ERCC3: variants seen among roughly 807,000 people sequenced by gnomAD.
ERCC3 encodes ERCC excision repair 3, TFIIH core complex helicase subunit.
In ERCC3, 66 loss-of-function variants were observed where a neutral mutation model predicts 94.2. The ratio of observed to expected loss-of-function variants is 0.70; its 90% CI spans 0.57 to 0.86. The LOEUF is 0.86. ERCC3 is among the 40% of genes least tolerant of loss of function. The pLI, the probability that ERCC3 is intolerant of heterozygous loss-of-function variation, is 0.00. For missense variants in ERCC3, 829 were observed against 987.1 expected (o/e 0.84, Z 2.15); for synonymous variants, 349 against 369.1 (o/e 0.95, Z 0.63).
Position 127,280,916 on chromosome 2 carries a change from C to T in ERCC3, c.1343-285G>A. 1 of 509,022 alleles carries T rather than the reference C, an allele frequency of 2.0e-6. No individual in the cohort carries two copies. Among genetic ancestry groups the T allele is most frequent in the Non-Finnish European group, 3.4e-6 (1 of 290,606 alleles). 31.5% of individuals were successfully genotyped at this position (509,022 alleles called of 1,614,324 possible). A position where few individuals can be genotyped will look rare whatever the true frequency, so the allele number is the denominator to read the frequency against. ...AACTAACCCTTGGGTTTCAGGACCA[C>T]AGAAGCTGGCTCTAGACAAGAATGA... is the stretch of plus-strand genomic sequence containing the variant. On this transcript the variant is annotated intron_variant, in intron 8 of 14. Transcript: ENST00000285398. This position sits in a 1 kb window ranked among gnomAD's most constrained non-coding sequence, Gnocchi z 6.3.
chr2:127,294,019 C>T lies in ERCC3; in HGVS notation c.28+35G>A, dbSNP rs747304168. 22 of 1,602,136 alleles carry T rather than the reference C, an allele frequency of 1.4e-5. No individual in the cohort carries two copies. In the Admixed American group the frequency reaches 1.8e-4, roughly 13 times the overall value. On this transcript the variant is annotated intron_variant, in intron 1 of 14. Transcript: ENST00000285398. ...GAGCGGGGGGCAGGGCCGGCAAGGG[C>T]AGTCGTGGCTGAGCGTGCCCGCGCA...
rs1684286237 is a variant in ERCC3, at chr2:127,264,274, G to C, written c.1946-2928C>G. 6.6e-6 allele frequency among the ~76,000 whole-genome samples: 1 copy of C among 152,162 alleles called. No homozygotes were observed. Among genetic ancestry groups the C allele is most frequent in the African/African-American group, 2.4e-5 (1 of 41,448 alleles). ...AGGTCAGGCCTTCAAGACCAGCACTGCCAACATGGCGAAACCCTGTCTCTA... is the reference window on the plus strand; with the variant it reads ...AGGTCAGGCCTTCAAGACCAGCACTCCCAACATGGCGAAACCCTGTCTCTA... On this transcript the variant is annotated intron_variant, in intron 12 of 14. Transcript: ENST00000285398. The surrounding 1 kb of genome is among the most constrained non-coding windows in gnomAD (Gnocchi z 4.4).
chr2:127,280,236 C>G lies in ERCC3; in HGVS notation c.1527+211G>C, dbSNP rs1684865643. Among the ~76,000 whole-genome samples, 1 of 152,156 alleles carries G rather than the reference C, an allele frequency of 6.6e-6. No homozygotes were observed. Among genetic ancestry groups the G allele is most frequent in the South Asian group, 2.1e-4 (1 of 4,828 alleles). On this transcript the variant is annotated intron_variant, in intron 9 of 14. Transcript: ENST00000285398. This position sits in a 1 kb window ranked among gnomAD's most constrained non-coding sequence, Gnocchi z 6.3. The stretch of plus-strand genomic sequence containing the variant: ...CTAGGAAAAAGAATCATCACAAATT[C>G]AGGGGTATGTGAGATATGTGACAAG...
rs1427990869 is a variant in ERCC3 at position 127,286,821 on chromosome 2, G to A, written c.1224C>T (p.Ser408=). Residue 408 remains serine, a synonymous_variant, in exon 8 of 15, where the codon AGC becomes AGT. Transcript: ENST00000285398. ...TGGTGTGGCCCAGCATGGAGTAGGTGCTAATGGCAACGGAGCAGCCGATGG... is the reference window on the plus strand; with the variant it reads ...TGGTGTGGCCCAGCATGGAGTAGGTACTAATGGCAACGGAGCAGCCGATGG... ...DKPIGCSVAI[S]TYSMLGHTTK... The A allele has an allele frequency of 5.6e-6, 9 of 1,614,098 alleles. No individual in the cohort carries two copies. The highest frequency in any genetic ancestry group is 2.7e-5 in the African/African-American group (2 of 74,928).
At position 127,292,736 on chromosome 2, in the gene ERCC3, C is replaced by A. The variant is rs767213626; in HGVS notation, c.345G>T (p.Glu115Asp). The A allele has an allele frequency of 6.2e-7, 1 of 1,614,058 alleles. No individual in the cohort carries two copies. Residue 115 changes from glutamate (E) to aspartate (D), a missense_variant, in exon 3 of 15, where the codon GAG (glutamate) becomes GAT (aspartate). Coordinates refer to ENST00000285398, the MANE Select transcript of ERCC3 (RefSeq NM_000122.2). ...ACAAGGAGTAGGCAGTTAGTTTGTA[C>A]TCATGCACATGGGTTGGTCGGCACA... ...EPVCRPTHVH[E>D]YKLTAYSLYA...
intron 10 of ERCC3, among the ~76,000 whole-genome samples, chr2:127,273,939 C>T (rs1031565785): frequency 2.0e-5 from 3 of 151,208 alleles, no homozygotes; most frequent in Non-Finnish European, 4.4e-5. Context: ...ATGATGATGA[C>T]AACAGCAAAG....
Position 127,258,631 on chromosome 2 carries a change from G to A in ERCC3, c.2217+665C>T, listed in dbSNP as rs146141022. On this transcript the variant is annotated intron_variant, in intron 14 of 14. Transcript: ENST00000285398. This position sits in a 1 kb window ranked among gnomAD's most constrained non-coding sequence, Gnocchi z 4.1. Reference sequence around the variant, plus strand: ...TTGGTCCAGCAGTTGCTCACCTTCCGGCTCTAATGGCAACTGAATTTCAAA... The same window carrying A: ...TTGGTCCAGCAGTTGCTCACCTTCCAGCTCTAATGGCAACTGAATTTCAAA... 2.3e-3 allele frequency among the ~76,000 whole-genome samples: 355 copies of A among 152,218 alleles called. 1 individual carries two copies. Among genetic ancestry groups the A allele is most frequent in the African/African-American group, 7.7e-3 (320 of 41,548 alleles).
chr2:127,277,965 G>C lies in ERCC3; in HGVS notation c.1730+1208C>G, dbSNP rs1040822597. Among the ~76,000 whole-genome samples, 1 of 152,058 alleles carries C rather than the reference G, an allele frequency of 6.6e-6. No individual in the cohort carries two copies. Among genetic ancestry groups the C allele is most frequent in the Non-Finnish European group, 1.5e-5 (1 of 68,000 alleles). On this transcript the variant is annotated intron_variant, in intron 10 of 14. Coordinates refer to ENST00000285398, the MANE Select transcript of ERCC3 (RefSeq NM_000122.2). This position sits in a 1 kb window ranked among gnomAD's most constrained non-coding sequence, Gnocchi z 5.1. ...TTAGAAAGATGAAGGCTGGCCAGGTGTGGTGGCTCATGACTCTAATCCCAG... is the reference window on the plus strand; with the variant it reads ...TTAGAAAGATGAAGGCTGGCCAGGTCTGGTGGCTCATGACTCTAATCCCAG...
At chr2:127,281,150 A>G (rs1245182751) in intron 8 of ERCC3, among the ~76,000 whole-genome samples, 1 of 152,222 alleles carries the variant, frequency 6.6e-6, no homozygotes, top group Non-Finnish European at 1.5e-5. Context: ...TACGCAAAGA[A>G]TTTTCCCCTA....
At chr2:127,267,692 G>C (rs963286314) in intron 12 of ERCC3, among the ~76,000 whole-genome samples, 7 of 152,126 alleles carry the variant, frequency 4.6e-5, no homozygotes, top group African/African-American at 1.7e-4. Context: ...TTGCTTTACA[G>C]GGTCTGTGGG....
At chr2:127,278,425 T>C (rs1010468601) in intron 10 of ERCC3, among the ~76,000 whole-genome samples, 2 of 152,188 alleles carry the variant, frequency 1.3e-5, no homozygotes, top group African/African-American at 4.8e-5. Flanking sequence ...AATAAAGGTA[T>C]AATTTTAGAA....
chr2:127,263,736 C>G (rs1343284948), intron 12 of ERCC3, among the ~76,000 whole-genome samples: 1 of 146,760 alleles, frequency 6.8e-6, no homozygotes, highest in Admixed American at 6.9e-5. Context: ...GGGACGGAGT[C>G]TCGCTCTGTC....
In ERCC3 at chr2:127,286,933, A is replaced by T; in HGVS notation, c.1112T>A (p.Val371Glu). The T allele has an allele frequency of 1.9e-6, 3 of 1,614,092 alleles. No individual in the cohort carries two copies. The highest frequency in any genetic ancestry group is 2.5e-6 in the Non-Finnish European group (3 of 1,179,956). The change falls in exon 8 of 15, where the codon GTG becomes GAG. Residue 371 changes from valine to glutamate, a missense_variant. Transcript: ENST00000285398. ...CLVLGNSAVS[V>E]EQWKAQFKMW... ...CTTGAACTGGGCTTTCCACTGCTCC[A>T]CAGAAACAGCTGAGTTGCCCAGCAC...
intron 12 of ERCC3, among the ~76,000 whole-genome samples, chr2:127,268,884 T>A (rs1046540641): frequency 6.6e-6 from 1 of 152,208 alleles, no homozygotes; most frequent in African/African-American, 2.4e-5. Context: ...CTCTGGCATA[T>A]CTGAATTGCT....
rs2104759895 is a variant in ERCC3 at position 127,279,278 on chromosome 2, C to T, written c.1625G>A (p.Arg542Lys). ...LLYTMNPNKF[R>K]ACQFLIKFHE... ...AAACTTGATCAGAAACTGGCAAGCTCTAAATTTGTTGGGGTTCATGGTGTA... is the reference window on the plus strand; with the variant it reads ...AAACTTGATCAGAAACTGGCAAGCTTTAAATTTGTTGGGGTTCATGGTGTA... Residue 542 changes from arginine to lysine, a missense_variant, in exon 10 of 15, where the codon AGA (arginine) becomes AAA (lysine). By Grantham distance (26) the Arg-to-Lys change is conservative (BLOSUM62 2). Transcript: ENST00000285398. This position sits in a 1 kb window ranked among gnomAD's most constrained non-coding sequence, Gnocchi z 4.7. The T allele has an allele frequency of 6.2e-7, 1 of 1,613,850 alleles. No individual in the cohort carries two copies. Among genetic ancestry groups the T allele is most frequent in the East Asian group, 2.2e-5 (1 of 44,886 alleles).
At chr2:127,293,843 G>T (rs143023480) in intron 1 of ERCC3, 125 bp from the exon 2 acceptor site, 1 of 1,575,636 alleles carries the variant, frequency 6.3e-7, no homozygotes, top group Admixed American at 1.8e-5. Context: ...TCCCGCAGGC[G>T]TTGCGCCCCT....
rs1205340800 is a variant in ERCC3 at position 127,271,523 on chromosome 2, T to C, written c.1828-70A>G. On this transcript the variant is annotated intron_variant, in intron 11 of 14. Transcript: ENST00000285398. The surrounding 1 kb of genome is among the most constrained non-coding windows in gnomAD (Gnocchi z 5.0). ...AAAGTCAACTGATCCAGAATTTAAA[T>C]AAGTTCTGTAGATAATTTTGAAACA... is the stretch of plus-strand genomic sequence containing the variant. The C allele has an allele frequency of 9.9e-7, 1 of 1,015,128 alleles. No homozygotes were observed. Among genetic ancestry groups the C allele is most frequent in the Non-Finnish European group, 1.6e-6 (1 of 636,472 alleles). The allele number at this position is 1,015,128 out of a possible 1,614,324, so 62.9% of individuals were successfully genotyped here.
In ERCC3 at chr2:127,289,895, A is replaced by G. The variant is rs1685208116; in HGVS notation, c.522-71T>C. 8 of 1,537,540 alleles carry G rather than the reference A, an allele frequency of 5.2e-6. 1 individual carries two copies. Among genetic ancestry groups the G allele is most frequent in the South Asian group, 2.3e-5 (2 of 88,816 alleles). On this transcript the variant is annotated intron_variant, in intron 4 of 14. Transcript: ENST00000285398. ...TCCTGGAGATTCCACTGCTCATTCAATTAGATGGTCTGGAAATACAAGCCT... is the reference window on the plus strand; with the variant it reads ...TCCTGGAGATTCCACTGCTCATTCAGTTAGATGGTCTGGAAATACAAGCCT...
chr2:127,291,065 G>A lies in ERCC3; in HGVS notation c.472-792C>T, dbSNP rs920425642. On this transcript the variant is annotated intron_variant, in intron 3 of 14. Coordinates refer to ENST00000285398, the MANE Select transcript of ERCC3 (RefSeq NM_000122.2). The surrounding 1 kb of genome is among the most constrained non-coding windows in gnomAD (Gnocchi z 4.9). ...CCACTGCTATCCAGCCTGGGCGACA[G>A]AGCAAGACTCCGTCTCAAAAAAAAA... Among the ~76,000 whole-genome samples, 1 of 151,996 alleles carries A rather than the reference G, an allele frequency of 6.6e-6. No homozygotes were observed. The highest frequency in any genetic ancestry group is 2.4e-5 in the African/African-American group (1 of 41,374).
Sources: allele counts gnomAD v4.1 joint callset (sites outside exome capture counted in the v4.1 genomes callset), GRCh38; gene constraint gnomAD v4.1.1; non-coding constraint Gnocchi (gnomAD v3.1); transcripts MANE v1.5; gene names NCBI Gene and HGNC (gene_info 2026-07-23, HGNC 2026-07-21).